The following GBX1 variants were observed in gnomAD, a reference collection of about 807,000 sequenced individuals.
The protein encoded by GBX1 is homeobox protein GBX-1.
In GBX1, 9 loss-of-function variants were observed where a neutral mutation model predicts 22.9. The observed-to-expected ratio is 0.39, with a 90% CI of 0.24 to 0.69. GBX1 has a LOEUF of 0.69. GBX1 is among the 30% of genes least tolerant of loss of function. The pLI, the probability that GBX1 is intolerant of heterozygous loss-of-function variation, is 0.43. For missense variants in GBX1, 494 were observed against 509.2 expected (o/e 0.97, Z 0.29); for synonymous variants, 203 against 227.3 (o/e 0.89, Z 0.96).
intron 1 of GBX1, among the ~76,000 whole-genome samples, chr7:151,156,416 A>AAAC (rs68133106): frequency 7.7e-6 from 1 of 129,968 alleles, no homozygotes; most frequent in Non-Finnish European, 1.6e-5. Flanking sequence ...AAAAAAAAAA[A>AAAC]CGAAAAAAAA....
At position 151,148,244 on chromosome 7, in the gene GBX1, T is replaced by TC. The variant is rs1801036200; in HGVS notation, c.*344dup. Among the ~76,000 whole-genome samples the TC allele has an allele frequency of 6.6e-6, 1 of 152,154 alleles. No individual in the cohort carries two copies. Among genetic ancestry groups the TC allele is most frequent in the Non-Finnish European group, 1.5e-5 (1 of 68,018 alleles). On this transcript the variant is annotated 3_prime_UTR_variant, in exon 2 of 2. Transcript: ENST00000297537. This position sits in a 1 kb window ranked among gnomAD's most constrained non-coding sequence, Gnocchi z 5.1. Reference sequence around the variant, plus strand: ...GTTCCCTCCACCCATCAGAAGCTGTTCCAGGGCATTTGCCACAGAACCTTC... The same window carrying TC: ...GTTCCCTCCACCCATCAGAAGCTGTTCCCAGGGCATTTGCCACAGAACCTTC...
rs1407274579 is a variant in GBX1 at position 151,149,126 on chromosome 7, G to A, written c.555C>T (p.Tyr185=). 3.7e-5 allele frequency: 59 copies of A among 1,606,872 alleles called. No individual in the cohort carries two copies. The highest frequency in any genetic ancestry group is 4.5e-5 in the Non-Finnish European group (53 of 1,179,864). Residue 185 remains tyrosine, a synonymous_variant, in exon 2 of 2, where the codon TAC becomes TAT. Coordinates refer to ENST00000297537, the MANE Select transcript of GBX1 (RefSeq NM_001098834.3). Reference sequence around the variant, plus strand: ...CCTCCAGCTTCTCCTCATCTGAGCTGTACACCTTCCCCTCTGCTGTGAGGA... The same window carrying A: ...CCTCCAGCTTCTCCTCATCTGAGCTATACACCTTCCCCTCTGCTGTGAGGA... The part of the protein sequence containing the change: ...FPSLPAEGKV[Y]SSDEEKLEAS...
chr7:151,157,274 C>A (rs1801146364), intron 1 of GBX1, among the ~76,000 whole-genome samples: 1 of 152,252 alleles, frequency 6.6e-6, no homozygotes, highest in East Asian at 1.9e-4. Flanking sequence ...CCAGCCTGGG[C>A]AACAGAGTGA....
At chr7:151,157,068 C>T (rs1252937065) in intron 1 of GBX1, among the ~76,000 whole-genome samples, 5 of 150,288 alleles carry the variant, frequency 3.3e-5, no homozygotes, top group African/African-American at 7.4e-5. Flanking sequence ...GAGGCTGAGG[C>T]GGGCAGATCA....
chr7:151,159,668 T>C (rs1470152353), intron 1 of GBX1, among the ~76,000 whole-genome samples: 2 of 152,194 alleles, frequency 1.3e-5, no homozygotes, highest in East Asian at 3.8e-4. Context: ...TGAGCCACCA[T>C]ACTAGGACGA....
chr7:151,158,875 G>C (rs1033888714), intron 1 of GBX1, among the ~76,000 whole-genome samples: 4 of 152,102 alleles, frequency 2.6e-5, no homozygotes, highest in African/African-American at 9.7e-5. Context: ...ACAAATATCT[G>C]TGCATTTAAT....
At position 151,167,128 on chromosome 7, in the gene GBX1, C is replaced by A; in HGVS notation, c.421G>T (p.Gly141Cys). The A allele has an allele frequency of 6.2e-7, 1 of 1,602,934 alleles. No individual in the cohort carries two copies. Reference sequence around the variant, plus strand: ...TCCAGCCCACCCTCTGGGCGTCGGCCGCCTGGCTCGGGGTTGTTTCGGGCG... The same window carrying A: ...TCCAGCCCACCCTCTGGGCGTCGGCAGCCTGGCTCGGGGTTGTTTCGGGCG... The part of the protein sequence containing the change: ...TAARNNPEPG[G>C]RRPEGGLEAD... Residue 141 changes from glycine (G) to cysteine (C), a missense_variant, in exon 1 of 2, where the codon GGC (glycine) becomes TGC (cysteine). Transcript: ENST00000297537. This position sits in a 1 kb window ranked among gnomAD's most constrained non-coding sequence, Gnocchi z 5.9.
Position 151,167,487 on chromosome 7 carries a change from G to T in GBX1, c.62C>A (p.Pro21Gln), listed in dbSNP as rs1318418440. 3.4e-6 allele frequency: 5 copies of T among 1,489,850 alleles called. No homozygotes were observed. Among genetic ancestry groups the T allele is most frequent in the Non-Finnish European group, 4.4e-6 (5 of 1,128,012 alleles). The allele number at this position is 1,489,850 out of a possible 1,614,324, so 92.3% of individuals were successfully genotyped here. A position where few individuals can be genotyped will look rare whatever the true frequency, so the allele number is the denominator to read the frequency against. The change falls in exon 1 of 2, where the codon CCG becomes CAG. Residue 21 changes from proline (P) to glutamine (Q), a missense_variant. This residue lies in a region of GBX1 where 365 missense variants were observed against 340.4 expected (regional missense o/e 1.07). Coordinates refer to ENST00000297537, the MANE Select transcript of GBX1 (RefSeq NM_001098834.3). The surrounding 1 kb of genome is among the most constrained non-coding windows in gnomAD (Gnocchi z 5.9). ...GGAGTCGATGGAGAAGGCAGTGCCC[G>T]GGCCCCCGCCGCCGCCCCCGCCGTT... Reference protein sequence around the residue: ...GGNGGGGGGGPGTAFSIDSLI... With the variant: ...GGNGGGGGGGQGTAFSIDSLI...
Position 151,167,364 on chromosome 7 carries a change from G to T in GBX1, c.185C>A (p.Ala62Asp). 1 of 1,510,944 alleles carries T rather than the reference G, an allele frequency of 6.6e-7. No individual in the cohort carries two copies. The allele number at this position is 1,510,944 out of a possible 1,614,324, so 93.6% of individuals were successfully genotyped here. Residue 62 changes from alanine (A) to aspartate (D), a missense_variant, in exon 1 of 2, where the codon GCC becomes GAC. Ala to Asp is a moderately radical substitution (Grantham distance 126). Around this residue, in one of 3 missense-constraint regions of GBX1, gnomAD observed 365 missense variants for 340.4 expected, o/e 1.07. Transcript: ENST00000297537. This position sits in a 1 kb window ranked among gnomAD's most constrained non-coding sequence, Gnocchi z 5.9. ...GAGGCCAGCGGGCAGCGGCGCAGGGGCCAGCGCCTGCGGCAGCACGAGCGG... is the reference window on the plus strand; with the variant it reads ...GAGGCCAGCGGGCAGCGGCGCAGGGTCCAGCGCCTGCGGCAGCACGAGCGG... ...YRPLVLPQAL[A>D]PAPLPAGLPP...
chr7:151,160,704 C>T (rs2150550148), intron 1 of GBX1, among the ~76,000 whole-genome samples: 1 of 152,308 alleles, frequency 6.6e-6, no homozygotes, highest in East Asian at 1.9e-4. Context: ...ATGCAAGCAT[C>T]TCTTCTCCCT....
At position 151,167,048 on chromosome 7, in the gene GBX1, C is replaced by T. The variant is rs764866553; in HGVS notation, c.501G>A (p.Pro167=). 3 of 1,601,216 alleles carry T rather than the reference C, an allele frequency of 1.9e-6. No individual in the cohort carries two copies. The highest frequency in any genetic ancestry group is 2.6e-6 in the Non-Finnish European group (3 of 1,175,690). Residue 167 remains proline (P), a synonymous_variant, in exon 1 of 2, where the codon CCG becomes CCA. Transcript: ENST00000297537. The surrounding 1 kb of genome is among the most constrained non-coding windows in gnomAD (Gnocchi z 5.9). ...GAAAAGTCTCTGAGAAGTGCGGAGG[C>T]GGAGGTGGTGGGGGCTCTGCCACTT... ...REKVAEPPPP[P]PPHFSETFPS...
At chr7:151,158,692 T>C (rs2150549597) in intron 1 of GBX1, among the ~76,000 whole-genome samples, 1 of 152,268 alleles carries the variant, frequency 6.6e-6, no homozygotes, top group South Asian at 2.1e-4. Context: ...AACTACTCTA[T>C]CATCACTCCC....
At chr7:151,153,051 A>G (rs1382303562) in intron 1 of GBX1, among the ~76,000 whole-genome samples, 1 of 152,200 alleles carries the variant, frequency 6.6e-6, no homozygotes, top group Non-Finnish European at 1.5e-5. Context: ...AGAGAGAAGG[A>G]AAGGCCAAGG....
chr7:151,162,531 T>C (rs902519608), intron 1 of GBX1, among the ~76,000 whole-genome samples: 2 of 152,210 alleles, frequency 1.3e-5, no homozygotes, highest in Non-Finnish European at 2.9e-5. Flanking sequence ...AAAAAAACAA[T>C]GTTTACTACA....
intron 1 of GBX1, among the ~76,000 whole-genome samples, chr7:151,155,494 C>G (rs1214567653): frequency 6.6e-6 from 1 of 152,132 alleles, no homozygotes; most frequent in African/African-American, 2.4e-5. Context: ...CATTATGCTC[C>G]TACTCCTGCC....
chr7:151,149,191 G>C (rs749404097), intron 1 of GBX1, 49 bp from the exon 2 acceptor site: 2 of 1,543,022 alleles, frequency 1.3e-6, no homozygotes, highest in African/African-American at 1.4e-5. Context: ...GCAAGAAAAA[G>C]AGAGTTTGGA....
intron 1 of GBX1, among the ~76,000 whole-genome samples, chr7:151,152,594 T>G (rs567516693): frequency 6.6e-6 from 1 of 152,294 alleles, no homozygotes; most frequent in African/African-American, 2.4e-5. Context: ...GAAACTAGAC[T>G]TCGAGGCTTG....
chr7:151,155,017 C>T (rs541058191), intron 1 of GBX1, among the ~76,000 whole-genome samples: 2 of 152,330 alleles, frequency 1.3e-5, no homozygotes, highest in South Asian at 4.1e-4. Flanking sequence ...AGCCCCTGTG[C>T]TGTCCCTCAT....
chr7:151,167,497 C>T lies in GBX1; in HGVS notation c.52G>A (p.Gly18Ser), dbSNP rs1417582959. The T allele has an allele frequency of 3.6e-5, 54 of 1,483,268 alleles. No individual in the cohort carries two copies. The Middle Eastern group carries it at 1.6e-3, about 44-fold the overall frequency. The allele number at this position is 1,483,268 out of a possible 1,614,324, so 91.9% of individuals were successfully genotyped here. ...GAGAAGGCAGTGCCCGGGCCCCCGC[C>T]GCCGCCCCCGCCGTTGCCCCCAGGG... ...SAPGGNGGGG[G>S]GGPGTAFSID... The change falls in exon 1 of 2, where the codon GGC (glycine) becomes AGC (serine). Residue 18 changes from glycine to serine, a missense_variant. Gly to Ser is a moderately conservative substitution (Grantham distance 56, BLOSUM62 0). Transcript: ENST00000297537. The surrounding 1 kb of genome is among the most constrained non-coding windows in gnomAD (Gnocchi z 5.9).
Sources: gnomAD v4.1 joint callset for allele counts (sites outside exome capture counted in the v4.1 genomes callset) on GRCh38, gnomAD v4.1.1 for gene constraint, gnomAD v4.1.1 regional missense constraint, Gnocchi (gnomAD v3.1) non-coding constraint, MANE v1.5 for transcripts, NCBI Gene and HGNC (gene_info 2026-07-23, HGNC 2026-07-21) for gene names.